LIN52: variants seen among roughly 807,000 people sequenced by gnomAD.
The protein encoded by LIN52 is lin-52 DREAM MuvB core complex component.
Under a neutral mutation model 18.5 loss-of-function variants are expected in LIN52, and 4 were observed. The ratio of observed to expected loss-of-function variants is 0.22; its 90% CI spans 0.11 to 0.49. The LOEUF (loss-of-function observed/expected upper bound fraction) is 0.49, where lower values mean the gene tolerates loss of function less well. LIN52 is among the 20% of genes least tolerant of loss of function. The pLI, the probability that LIN52 is intolerant of heterozygous loss-of-function variation, is 0.97. For synonymous variants in LIN52, 34 were observed against 45.5 expected (o/e 0.75, Z 1.02); for missense variants, 102 against 139.5 (o/e 0.73, Z 1.35).
intron 5 of LIN52, among the ~76,000 whole-genome samples, chr14:74,167,714 A>G (rs1268623642): frequency 1.3e-5 from 2 of 152,090 alleles, no homozygotes; most frequent in Non-Finnish European, 2.9e-5. Context: ...TATTTTTTAT[A>G]GAGATGGGGG....
chr14:74,144,193 C>T (rs1029700860), intron 5 of LIN52, among the ~76,000 whole-genome samples: 4 of 151,600 alleles, frequency 2.6e-5, no homozygotes, highest in Non-Finnish European at 4.4e-5. Flanking sequence ...GGTACAAACA[C>T]GGCTCACTGC....
chr14:74,090,178 C>T (rs1307819029), intron 1 of LIN52, among the ~76,000 whole-genome samples: 1 of 151,916 alleles, frequency 6.6e-6, no homozygotes, highest in Non-Finnish European at 1.5e-5. Flanking sequence ...TCCCCCATGC[C>T]TGACCAATTT....
At chr14:74,107,281 A>G (rs1200170114) in intron 5 of LIN52, among the ~76,000 whole-genome samples, 1 of 152,156 alleles carries the variant, frequency 6.6e-6, no homozygotes, top group African/African-American at 2.4e-5. Context: ...CTATTATTAC[A>G]TGCTTATGAT....
At chr14:74,143,237 C>T (rs1217723658) in intron 5 of LIN52, among the ~76,000 whole-genome samples, 1 of 152,134 alleles carries the variant, frequency 6.6e-6, no homozygotes, top group African/African-American at 2.4e-5. Flanking sequence ...GTTCTATACT[C>T]TCCTATCTTA....
At position 74,129,438 on chromosome 14, in the gene LIN52, C is replaced by T. The variant is rs1467056321; in HGVS notation, c.283+28200C>T. ...TTGGCTTTAGATTGGAAGAGAGCTA[C>T]TTTGTCTACTCTTGTATAACAAGGG... On this transcript the variant is annotated intron_variant, in intron 5 of 5. Coordinates refer to ENST00000555028, the MANE Select transcript of LIN52 (RefSeq NM_001024674.3). Among the ~76,000 whole-genome samples the T allele has an allele frequency of 4.6e-5, 7 of 152,126 alleles. No individual in the cohort carries two copies. In the East Asian group the frequency reaches 1.3e-3, roughly 29 times the overall value.
At chr14:74,092,925 C>T (rs2060783191) in intron 2 of LIN52, among the ~76,000 whole-genome samples, 1 of 150,008 alleles carries the variant, frequency 6.7e-6, no homozygotes, top group Non-Finnish European at 1.5e-5. Context: ...TCAAAAAAAT[C>T]CCCCAAACTA....
chr14:74,176,442 G>A (rs2061295071), intron 5 of LIN52, among the ~76,000 whole-genome samples: 1 of 151,928 alleles, frequency 6.6e-6, no homozygotes, highest in South Asian at 2.1e-4. Flanking sequence ...ATAAGTAGAA[G>A]TACTTTCTAA....
At chr14:74,161,467 G>A (rs2061224490) in intron 5 of LIN52, among the ~76,000 whole-genome samples, 1 of 152,180 alleles carries the variant, frequency 6.6e-6, no homozygotes. Flanking sequence ...GATTACCGGC[G>A]TCAGCCACCG....
At chr14:74,105,884 C>T (rs1305503384) in intron 5 of LIN52, among the ~76,000 whole-genome samples, 1 of 152,118 alleles carries the variant, frequency 6.6e-6, no homozygotes, top group East Asian at 1.9e-4. Context: ...ATTATATGAA[C>T]CTTCTAGGGC....
At chr14:74,085,650 G>A (rs981784087) in intron 1 of LIN52, 4 of 152,172 alleles carry the variant, frequency 2.6e-5, no homozygotes, top group African/African-American at 9.7e-5. Flanking sequence ...TTAAGGCTGA[G>A]TGAATTAACG....
At chr14:74,160,790 T>C (rs2061221133) in intron 5 of LIN52, among the ~76,000 whole-genome samples, 1 of 152,216 alleles carries the variant, frequency 6.6e-6, no homozygotes. Flanking sequence ...AGGCAGTTTA[T>C]AATCACTCCT....
At chr14:74,153,104 A>G (rs2061183972) in intron 5 of LIN52, among the ~76,000 whole-genome samples, 2 of 152,180 alleles carry the variant, frequency 1.3e-5, no homozygotes, top group African/African-American at 4.8e-5. Context: ...GCGTGCAATT[A>G]CTAATTTGGG....
At chr14:74,103,732 AGTTTTTTTTTTT>A in intron 5 of LIN52, among the ~76,000 whole-genome samples, 1 of 86,348 alleles carries the variant, frequency 1.2e-5, no homozygotes, top group Non-Finnish European at 2.2e-5. Context: ...GGGCCTGGCC[AGTTTTTTTTTTT>A]TTTTTTTTTT....
At chr14:74,126,223 A>G (rs1224468129) in intron 5 of LIN52, among the ~76,000 whole-genome samples, 1 of 152,148 alleles carries the variant, frequency 6.6e-6, no homozygotes, top group Non-Finnish European at 1.5e-5. Flanking sequence ...CCCCAAAACA[A>G]AAACAGAAAG....
At chr14:74,097,527 G>A (rs149161794) in intron 3 of LIN52, among the ~76,000 whole-genome samples, 6 of 150,672 alleles carry the variant, frequency 4.0e-5, no homozygotes, top group African/African-American at 1.5e-4. Flanking sequence ...ACATTCAAGA[G>A]GTTCAAGCAA....
intron 5 of LIN52, chr14:74,113,977 TTTTC>T: frequency 8.4e-5 from 15 of 179,294 alleles, no homozygotes; most frequent in Non-Finnish European, 1.4e-4. Flanking sequence ...TTTCTTTTTT[TTTTC>T]TTTTCTTTTC....
rs555169027 is a variant in LIN52, at chr14:74,128,756, A to T, written c.283+27518A>T. Among the ~76,000 whole-genome samples, 45 of 152,162 alleles carry T rather than the reference A, an allele frequency of 3.0e-4. 1 individual carries two copies. Among genetic ancestry groups the T allele is most frequent in the Non-Finnish European group, 6.2e-4 (42 of 68,024 alleles). On this transcript the variant is annotated intron_variant, in intron 5 of 5. Transcript: ENST00000555028. ...CAGGATTTCAAGTTCAGCCTGGCCA[A>T]CATGGTAAAACCTCGTCTCTACTAA... is the stretch of plus-strand genomic sequence containing the variant.
At chr14:74,095,574 G>T (rs1048359897) in intron 2 of LIN52, among the ~76,000 whole-genome samples, 2 of 152,114 alleles carry the variant, frequency 1.3e-5, no homozygotes, top group African/African-American at 4.8e-5. Flanking sequence ...CTTTCTGTGA[G>T]AAATTTAAAT....
At chr14:74,185,293 G>A (rs2061336109) in intron 5 of LIN52, among the ~76,000 whole-genome samples, 1 of 131,500 alleles carries the variant, frequency 7.6e-6, no homozygotes, top group Non-Finnish European at 1.6e-5. Flanking sequence ...TAATATATTT[G>A]ATTTTATAAT....
Sources: allele counts gnomAD v4.1 joint callset (sites outside exome capture counted in the v4.1 genomes callset), GRCh38; gene constraint gnomAD v4.1.1; transcripts MANE v1.5; gene names NCBI Gene and HGNC (gene_info 2026-07-23, HGNC 2026-07-21).